EGFLAM: variants seen among roughly 807,000 people sequenced by gnomAD.
EGFLAM encodes EGF like, fibronectin type III and laminin G domains.
Under a neutral mutation model 113.1 loss-of-function variants are expected in EGFLAM, and 79 were observed. The ratio of observed to expected loss-of-function variants is 0.70; its 90% CI spans 0.58 to 0.84. The LOEUF (loss-of-function observed/expected upper bound fraction) is 0.84, where lower values mean the gene tolerates loss of function less well. Ranked by LOEUF, EGFLAM falls within the 40% of genes least tolerant of loss-of-function variation. The pLI, the probability that EGFLAM is intolerant of heterozygous loss-of-function variation, is 0.00. For missense variants in EGFLAM, 1,265 were observed against 1,291.6 expected, an observed-to-expected ratio of 0.98 and a Z score of 0.32; for synonymous variants, 504 against 487.6, an observed-to-expected ratio of 1.03 and a Z score of -0.44.
At chr5:38,330,367 T>G (rs1739010171) in intron 1 of EGFLAM, among the ~76,000 whole-genome samples, 1 of 152,100 alleles carries the variant, frequency 6.6e-6, no homozygotes, top group Non-Finnish European at 1.5e-5. Context: ...CCAGGACCCA[T>G]CGCCAGTCTT....
In EGFLAM at chr5:38,406,881, CAAG is replaced by C. The variant is rs751838185; in HGVS notation, c.887_889del (p.Lys296del). 1.9e-5 allele frequency: 31 copies of C among 1,614,034 alleles called. No individual in the cohort carries two copies. Among genetic ancestry groups the C allele is most frequent in the Admixed American group, 3.3e-5 (2 of 59,992 alleles). ...GGAATAAGAAATTTTTGGTGGAAAG[CAAG>C]AAGATGTCTATATCTAACCCAAAGA... On this transcript the variant is annotated inframe_deletion, in exon 8 of 22. Transcript: ENST00000322350.
In EGFLAM at chr5:38,274,683, T is replaced by C. The variant is rs1042232508; in HGVS notation, c.97+15832T>C. ...TGAGGAAATTTATCACCACCAGACC[T>C]GTCTTACAAGAAATGCTAAAGGGAG... On this transcript the variant is annotated intron_variant, in intron 1 of 21. Transcript: ENST00000322350. 6.6e-5 allele frequency among the ~76,000 whole-genome samples: 10 copies of C among 152,102 alleles called. 1 individual carries two copies. Among genetic ancestry groups the C allele is most frequent in the Admixed American group, 2.6e-4 (4 of 15,274 alleles).
intron 6 of EGFLAM, among the ~76,000 whole-genome samples, chr5:38,393,517 T>C (rs902889853): frequency 2.0e-5 from 3 of 152,220 alleles, no homozygotes; most frequent in Non-Finnish European, 4.4e-5. Flanking sequence ...TTGTTAGATT[T>C]ATTCCCTCTA....
At chr5:38,437,575 C>T (rs1352765885) in intron 16 of EGFLAM, among the ~76,000 whole-genome samples, 1 of 152,116 alleles carries the variant, frequency 6.6e-6, no homozygotes, top group African/African-American at 2.4e-5. Context: ...AAGTTACTGA[C>T]GACTTGGTCT....
chr5:38,387,332 T>C (rs1206969268), intron 6 of EGFLAM, among the ~76,000 whole-genome samples: 26 of 152,224 alleles, frequency 1.7e-4, no homozygotes, highest in Non-Finnish European at 1.8e-4. Flanking sequence ...ATCCACTCCC[T>C]GCCAACCCCT....
intron 6 of EGFLAM, among the ~76,000 whole-genome samples, chr5:38,398,348 T>TA (rs145226982): frequency 0.032 from 4,797 of 152,282 alleles, 248 homozygotes; most frequent in African/African-American, 0.11. Flanking sequence ...CCAAAATAGA[T>TA]AGTGTTGATT....
rs138949633 is a variant in EGFLAM, at chr5:38,464,063, A to G, written c.*77A>G. On this transcript the variant is annotated 3_prime_UTR_variant, in exon 22 of 22. Transcript: ENST00000322350. The stretch of plus-strand genomic sequence containing the variant: ...GGGCCCTCAGACCCTGCCTGATGCT[A>G]TATGCAGAGGCCCAGGGACCAGGTG... The G allele has an allele frequency of 3.2e-6, 5 of 1,575,746 alleles. No individual in the cohort carries two copies. In the Admixed American group the frequency reaches 6.9e-5, roughly 22 times the overall value.
intron 20 of EGFLAM, chr5:38,462,679 C>T (rs1300873879): frequency 4.2e-6 from 2 of 478,890 alleles, no homozygotes; most frequent in African/African-American, 2.0e-5. Context: ...CCGTGGAGTG[C>T]TGGCACTGTG....
rs147533050 is a variant in EGFLAM at position 38,395,801 on chromosome 5, T to C, written c.713-10325T>C. On this transcript the variant is annotated intron_variant, in intron 6 of 21. Transcript: ENST00000322350. Reference sequence around the variant, plus strand: ...TAGCTCCTGATTTCTCAGTGCAAGATGTGAATTGAGCCCCCTTTTTCAGGG... The same window carrying C: ...TAGCTCCTGATTTCTCAGTGCAAGACGTGAATTGAGCCCCCTTTTTCAGGG... Among the ~76,000 whole-genome samples the C allele has an allele frequency of 3.9e-5, 6 of 152,292 alleles. No individual in the cohort carries two copies. The East Asian group carries it at 1.2e-3, about 29-fold the overall frequency.
chr5:38,297,738 C>T (rs1438512066), intron 1 of EGFLAM, among the ~76,000 whole-genome samples: 1 of 152,168 alleles, frequency 6.6e-6, no homozygotes, highest in Non-Finnish European at 1.5e-5. Context: ...GTGTGATTAG[C>T]GCCAAAGGAT....
intron 1 of EGFLAM, among the ~76,000 whole-genome samples, chr5:38,279,049 G>C (rs1006081946): frequency 6.6e-6 from 1 of 151,954 alleles, no homozygotes; most frequent in Non-Finnish European, 1.5e-5. Context: ...TAAAAAGTAG[G>C]CAAAAGATCT....
Position 38,384,803 on chromosome 5 carries a change from G to A in EGFLAM, c.712+14341G>A, listed in dbSNP as rs143978569. On this transcript the variant is annotated intron_variant, in intron 6 of 21. Transcript: ENST00000322350. ...TTACTACTCTATTGTGCCCCCAAATGCTCAAAAGTATTTGGGGGCACAATA... is the reference window on the plus strand; with the variant it reads ...TTACTACTCTATTGTGCCCCCAAATACTCAAAAGTATTTGGGGGCACAATA... Among the ~76,000 whole-genome samples the A allele has an allele frequency of 6.1e-4, 93 of 152,072 alleles. 1 individual carries two copies. The South Asian group carries it at 0.014, about 22-fold the overall frequency.
At chr5:38,445,407 C>G in intron 17 of EGFLAM, 1 of 1,215,512 alleles carries the variant, frequency 8.2e-7, no homozygotes, top group Non-Finnish European at 1.1e-6. Flanking sequence ...TTCTAAACAT[C>G]TTCTTGGTCC....
intron 6 of EGFLAM, among the ~76,000 whole-genome samples, chr5:38,374,741 G>A (rs558164496): frequency 2.6e-5 from 4 of 152,326 alleles, no homozygotes; most frequent in African/African-American, 7.2e-5. Context: ...ATGGGAAAAG[G>A]CTGTTAGTTT....
At chr5:38,389,927 A>G (rs1036247540) in intron 6 of EGFLAM, among the ~76,000 whole-genome samples, 1 of 152,130 alleles carries the variant, frequency 6.6e-6, no homozygotes, top group Non-Finnish European at 1.5e-5. Flanking sequence ...ATGGATTTTT[A>G]TTCTCCTAAT....
At chr5:38,344,568 T>C (rs1739428430) in intron 3 of EGFLAM, among the ~76,000 whole-genome samples, 3 of 152,250 alleles carry the variant, frequency 2.0e-5, no homozygotes, top group South Asian at 2.1e-4. Flanking sequence ...TATTGTGTCA[T>C]GTATTTGATA....
intron 1 of EGFLAM, among the ~76,000 whole-genome samples, chr5:38,297,726 A>C (rs981714040): frequency 6.6e-6 from 1 of 152,220 alleles, no homozygotes; most frequent in African/African-American, 2.4e-5. Context: ...ATTCTTTAGT[A>C]AGTGTGATTA....
intron 1 of EGFLAM, chr5:38,286,362 C>T (rs1758160235): frequency 6.6e-6 from 1 of 152,280 alleles, no homozygotes; most frequent in Non-Finnish European, 1.5e-5. Flanking sequence ...TGAAGTTGCT[C>T]TACAGAAGGA....
chr5:38,403,905 A>G (rs754660449), intron 6 of EGFLAM: 4 of 1,613,870 alleles, frequency 2.5e-6, no homozygotes, highest in Non-Finnish European at 3.4e-6. Context: ...TAAATCTGGC[A>G]TCGACAGGTT....
Sources: gnomAD v4.1 joint callset for allele counts (sites outside exome capture counted in the v4.1 genomes callset) on GRCh38, gnomAD v4.1.1 for gene constraint, MANE v1.5 for transcripts, NCBI Gene and HGNC (gene_info 2026-07-23, HGNC 2026-07-21) for gene names.